KIF26B: variants seen among roughly 807,000 people sequenced by gnomAD.
The protein encoded by KIF26B is kinesin family member 26B.
KIF26B carries 63 observed loss-of-function variants against 151.2 expected under a neutral mutation model. The observed-to-expected ratio is 0.42, with a 90% CI of 0.34 to 0.51. The LOEUF (loss-of-function observed/expected upper bound fraction) is 0.51, where lower values mean the gene tolerates loss of function less well. Among genes scored for constraint, KIF26B ranks in the 20% least tolerant of loss-of-function variants. The pLI is 0.07. For missense variants in KIF26B, 2,813 were observed against 2,913.6 expected (o/e 0.97, Z 0.79); for synonymous variants, 1,357 against 1,262.1 (o/e 1.08, Z -1.59).
At chr1:245,437,939 C>G (rs557047362) in intron 4 of KIF26B, among the ~76,000 whole-genome samples, 1 of 152,038 alleles carries the variant, frequency 6.6e-6, no homozygotes, top group Non-Finnish European at 1.5e-5. Flanking sequence ...GAATTTAGTC[C>G]CATTATTTTT....
At chr1:245,370,636 G>C in intron 3 of KIF26B, 1 of 456,714 alleles carries the variant, frequency 2.2e-6, no homozygotes, top group South Asian at 1.5e-5. Flanking sequence ...GGCTGCGCCA[G>C]CGCTGATGAG....
At chr1:245,262,322 T>C (rs1466628006) in intron 2 of KIF26B, among the ~76,000 whole-genome samples, 2 of 152,254 alleles carry the variant, frequency 1.3e-5, no homozygotes, top group Admixed American at 1.3e-4. Context: ...TGCTTCTTCC[T>C]TGCTGACTTT....
At chr1:245,460,954 T>C (rs183674501) in intron 4 of KIF26B, among the ~76,000 whole-genome samples, 2 of 152,184 alleles carry the variant, frequency 1.3e-5, no homozygotes, top group East Asian at 3.9e-4. Context: ...AAACAAATAG[T>C]AAGGAGTGAG....
chr1:245,697,339 A>G (rs1330419704), intron 12 of KIF26B, among the ~76,000 whole-genome samples: 6 of 152,218 alleles, frequency 3.9e-5, no homozygotes, highest in Non-Finnish European at 7.3e-5. Flanking sequence ...CTGTGAAAGA[A>G]AGAGGATAGA....
chr1:245,430,369 C>T (rs1389784313), intron 4 of KIF26B, among the ~76,000 whole-genome samples: 10 of 152,070 alleles, frequency 6.6e-5, no homozygotes, highest in Non-Finnish European at 1.3e-4. Flanking sequence ...ATTTAAAAAT[C>T]GTACTGGCCA....
intron 2 of KIF26B, among the ~76,000 whole-genome samples, chr1:245,228,539 C>A (rs1165402268): frequency 6.6e-6 from 1 of 150,934 alleles, no homozygotes; most frequent in Non-Finnish European, 1.5e-5. Context: ...ACACTCCACC[C>A]TGGGCAACAA....
At chr1:245,300,068 C>T (rs1382219211) in intron 2 of KIF26B, among the ~76,000 whole-genome samples, 1 of 152,212 alleles carries the variant, frequency 6.6e-6, no homozygotes, top group Non-Finnish European at 1.5e-5. Flanking sequence ...TTGGTGAAAA[C>T]ACAGTGTCCT....
rs538640825 is a variant in KIF26B at position 245,291,719 on chromosome 1, G to T, written c.466-75115G>T. Among the ~76,000 whole-genome samples, 3 of 152,366 alleles carry T rather than the reference G, an allele frequency of 2.0e-5. No homozygotes were observed. The East Asian group carries it at 5.8e-4, about 29-fold the overall frequency. Reference sequence around the variant, plus strand: ...TTGACTAGAAACAGGTAACAGAGGGGACCTGCCTTGTTGAGGACCTGGCAT... The same window carrying T: ...TTGACTAGAAACAGGTAACAGAGGGTACCTGCCTTGTTGAGGACCTGGCAT... On this transcript the variant is annotated intron_variant, in intron 2 of 14. Coordinates refer to ENST00000407071, the MANE Select transcript of KIF26B (RefSeq NM_018012.4).
At chr1:245,330,062 T>C (rs1330582912) in intron 2 of KIF26B, among the ~76,000 whole-genome samples, 2 of 151,962 alleles carry the variant, frequency 1.3e-5, no homozygotes, top group African/African-American at 2.4e-5. Context: ...AGTGCAAAGA[T>C]TACAGGAGTG....
At chr1:245,253,636 A>G (rs2103566259) in intron 2 of KIF26B, among the ~76,000 whole-genome samples, 1 of 152,142 alleles carries the variant, frequency 6.6e-6, no homozygotes, top group East Asian at 1.9e-4. Flanking sequence ...ATTTGTCTCT[A>G]AAGGCATTTG....
Position 245,175,123 on chromosome 1 carries a change from CT to C in KIF26B, c.465+18444del, listed in dbSNP as rs1474273120. On this transcript the variant is annotated intron_variant, in intron 2 of 14. Transcript: ENST00000407071. ...CCAGGGTGAAAAGCTAGAACAGTGG[CT>C]TTTGTCTTTAGCAAGGCCATTAGAT... Among the ~76,000 whole-genome samples, 17 of 152,276 alleles carry C rather than the reference CT, an allele frequency of 1.1e-4. 1 individual carries two copies. The highest frequency in any genetic ancestry group is 1.1e-3 in the Admixed American group (17 of 15,292).
chr1:245,161,646 A>G (rs1230622892), intron 2 of KIF26B, among the ~76,000 whole-genome samples: 2 of 152,324 alleles, frequency 1.3e-5, no homozygotes, highest in East Asian at 3.9e-4. Context: ...ACACACACAC[A>G]TAATCTCATA....
chr1:245,555,092 A>G (rs1049977558), intron 5 of KIF26B, among the ~76,000 whole-genome samples: 5 of 152,168 alleles, frequency 3.3e-5, no homozygotes, highest in African/African-American at 7.2e-5. Flanking sequence ...GAGAAATGTC[A>G]TATCTTTCAA....
intron 12 of KIF26B, among the ~76,000 whole-genome samples, chr1:245,691,198 G>C (rs2044621904): frequency 6.6e-6 from 1 of 152,134 alleles, no homozygotes; most frequent in Non-Finnish European, 1.5e-5. Context: ...GGCGGTTACA[G>C]TGGAGTAAAG....
In KIF26B at chr1:245,698,688, A is replaced by G. The variant is rs185035193; in HGVS notation, c.6028-199A>G. Among the ~76,000 whole-genome samples, 26 of 152,296 alleles carry G rather than the reference A, an allele frequency of 1.7e-4. No individual in the cohort carries two copies. The East Asian group carries it at 4.4e-3, about 26-fold the overall frequency. ...TCCAAAAATGGTCTGTCATAGTCCA[A>G]GAATGGTCTGTCATAGTCCTACCTT... On this transcript the variant is annotated intron_variant, in intron 13 of 14. Coordinates refer to ENST00000407071, the MANE Select transcript of KIF26B (RefSeq NM_018012.4). The surrounding 1 kb of genome is among the most constrained non-coding windows in gnomAD (Gnocchi z 4.0).
At position 245,243,443 on chromosome 1, in the gene KIF26B, T is replaced by TACACACACAC. The variant is rs67823049; in HGVS notation, c.465+86761_465+86762insCACACACACA. 4.8e-4 allele frequency among the ~76,000 whole-genome samples: 69 copies of TACACACACAC among 143,526 alleles called. No individual in the cohort carries two copies. The South Asian group carries it at 0.01, about 22-fold the overall frequency. The allele number at this position is 143,526 out of a possible 152,430, so 94.2% of individuals were successfully genotyped here. ...TTCTATATATATACATACATATATA[T>TACACACACAC]ATATACACACACACACACACACACA... is the stretch of plus-strand genomic sequence containing the variant. On this transcript the variant is annotated intron_variant, in intron 2 of 14. Coordinates refer to ENST00000407071, the MANE Select transcript of KIF26B (RefSeq NM_018012.4).
chr1:245,176,981 G>A (rs76225336), intron 2 of KIF26B, among the ~76,000 whole-genome samples: 11,145 of 152,164 alleles, frequency 0.073, 459 homozygotes, highest in African/African-American at 0.1. Flanking sequence ...CTAGAGGGAG[G>A]GTTTCGTTCT....
At chr1:245,293,389 G>A (rs929150766) in intron 2 of KIF26B, among the ~76,000 whole-genome samples, 2 of 151,904 alleles carry the variant, frequency 1.3e-5, no homozygotes, top group African/African-American at 4.8e-5. Context: ...GTCAGGTATG[G>A]GGAACAAATG....
chr1:245,448,540 C>T (rs963784457), intron 4 of KIF26B, among the ~76,000 whole-genome samples: 1 of 152,126 alleles, frequency 6.6e-6, no homozygotes, highest in African/African-American at 2.4e-5. Flanking sequence ...TTACCCAGTC[C>T]AAGGTATTTT....
Sources: allele counts gnomAD v4.1 joint callset (sites outside exome capture counted in the v4.1 genomes callset), GRCh38; gene constraint gnomAD v4.1.1; non-coding constraint Gnocchi (gnomAD v3.1); transcripts MANE v1.5; gene names NCBI Gene and HGNC (gene_info 2026-07-23, HGNC 2026-07-21).